The following ANO3 variants were observed in gnomAD, a reference collection of about 807,000 sequenced individuals.
The protein encoded by ANO3 is anoctamin 3.
Under a neutral mutation model 144.8 loss-of-function variants are expected in ANO3, and 99 were observed. The observed-to-expected ratio is 0.68, with a 90% CI of 0.58 to 0.81. ANO3 has a LOEUF of 0.81. ANO3 is among the 30% of genes least tolerant of loss of function. ANO3 has a pLI of 0.00. For synonymous variants in ANO3, 414 were observed against 392.6 expected (o/e 1.05, Z -0.64); for missense variants, 905 against 1,202.2 (o/e 0.75, Z 3.66).
At chr11:26,656,550 T>C (rs1404145355) in intron 26 of ANO3, 69 bp downstream of exon 26, 6 of 1,049,166 alleles carry the variant, frequency 5.7e-6, no homozygotes, top group Non-Finnish European at 8.8e-6. Flanking sequence ...CAGTTGCCTC[T>C]TTGAAATCAG....
chr11:26,583,255 C>T (rs1406011582), intron 14 of ANO3, among the ~76,000 whole-genome samples: 3 of 152,054 alleles, frequency 2.0e-5, no homozygotes, highest in Non-Finnish European at 2.9e-5. Flanking sequence ...ATTTGCAAGG[C>T]GGGGGAAAGA....
intron 1 of ANO3, among the ~76,000 whole-genome samples, chr11:26,345,661 T>G (rs1246965213): frequency 1.3e-5 from 2 of 152,192 alleles, no homozygotes; most frequent in South Asian, 2.1e-4. Context: ...TTTTGTAAGA[T>G]CTAAATATAT....
At chr11:26,357,960 C>A (rs1372288800) in intron 1 of ANO3, among the ~76,000 whole-genome samples, 2 of 152,064 alleles carry the variant, frequency 1.3e-5, no homozygotes, top group Non-Finnish European at 2.9e-5. Flanking sequence ...ATTGCCTTTG[C>A]AATTTGTCAA....
chr11:26,526,000 T>A (rs2134168595), intron 7 of ANO3, among the ~76,000 whole-genome samples: 1 of 152,228 alleles, frequency 6.6e-6, no homozygotes, highest in East Asian at 1.9e-4. Context: ...GTTTAAATGA[T>A]GACCCACAGT....
chr11:26,332,171 G>A lies in ANO3; in HGVS notation c.-105G>A. The A allele has an allele frequency of 6.2e-7, 1 of 1,601,944 alleles. No individual in the cohort carries two copies. The highest frequency in any genetic ancestry group is 8.5e-7 in the Non-Finnish European group (1 of 1,174,356). ...GCTACAGCAGGTGTCGGATTGCAGTGCGCTCGCTGAGGCTCCGGACCTTGG... is the reference window on the plus strand; with the variant it reads ...GCTACAGCAGGTGTCGGATTGCAGTACGCTCGCTGAGGCTCCGGACCTTGG... On this transcript the variant is annotated 5_prime_UTR_variant, in exon 1 of 27. Coordinates refer to ENST00000256737, the MANE Select transcript of ANO3 (RefSeq NM_031418.4).
rs777963834 is a variant in ANO3 at position 26,362,203 on chromosome 11, TA to T, written c.46+29887del. ...ACACCAGGAAGCCACAATTAATCAT[TA>T]AAAATAATTTTGCCAATTTTGCTTT... On this transcript the variant is annotated intron_variant, in intron 1 of 26. Transcript: ENST00000256737. Among the ~76,000 whole-genome samples, 6 of 152,254 alleles carry T rather than the reference TA, an allele frequency of 3.9e-5. No homozygotes were observed. The East Asian group carries it at 1.2e-3, about 29-fold the overall frequency.
intron 24 of ANO3, among the ~76,000 whole-genome samples, chr11:26,651,728 C>A (rs891345367): frequency 6.6e-6 from 1 of 151,982 alleles, no homozygotes; most frequent in African/African-American, 2.4e-5. Context: ...AAGAAAAAAG[C>A]TTCTTCAGAT....
At chr11:26,387,307 C>T (rs7949503) in intron 1 of ANO3, among the ~76,000 whole-genome samples, 2 of 151,086 alleles carry the variant, frequency 1.3e-5, no homozygotes, top group African/African-American at 2.4e-5. Flanking sequence ...GATAAAAGTA[C>T]GATCTTAGAC....
At chr11:26,193,090 C>A (rs1228898981) in intron 1 of ANO3, among the ~76,000 whole-genome samples, 3 of 151,652 alleles carry the variant, frequency 2.0e-5, no homozygotes, top group Non-Finnish European at 4.4e-5. Context: ...GCCCCCCACC[C>A]CTCAAAGGCT....
intron 1 of ANO3, among the ~76,000 whole-genome samples, chr11:26,219,192 T>C (rs1490508301): frequency 1.3e-5 from 2 of 152,218 alleles, no homozygotes; most frequent in Non-Finnish European, 2.9e-5. Flanking sequence ...TATCTTGTAG[T>C]GGACAAAATT....
At chr11:26,461,680 T>C (rs1381217911) in intron 3 of ANO3, among the ~76,000 whole-genome samples, 2 of 152,060 alleles carry the variant, frequency 1.3e-5, no homozygotes, top group African/African-American at 4.8e-5. Flanking sequence ...GGGGGAAACA[T>C]ATTATATTCA....
At chr11:26,610,504 C>G (rs10767558) in intron 17 of ANO3, among the ~76,000 whole-genome samples, 43,930 of 151,780 alleles carry the variant, frequency 0.29, 6,713 homozygotes, top group South Asian at 0.46. Context: ...GTTTCCTTTG[C>G]TGTGTAAAAA....
At chr11:26,220,116 C>T (rs1222996654) in intron 1 of ANO3, among the ~76,000 whole-genome samples, 1 of 152,206 alleles carries the variant, frequency 6.6e-6, no homozygotes, top group Non-Finnish European at 1.5e-5. Context: ...TCCTACAGTT[C>T]ACTCCCTGAG....
intron 1 of ANO3, among the ~76,000 whole-genome samples, chr11:26,216,777 A>G (rs1290354749): frequency 6.6e-6 from 1 of 152,012 alleles, no homozygotes; most frequent in Non-Finnish European, 1.5e-5. Flanking sequence ...CTGTCCAACA[A>G]TTTGTATTTC....
intron 1 of ANO3, among the ~76,000 whole-genome samples, chr11:26,403,183 ATCAGATCCAGAT>A (rs1392740586): frequency 6.6e-6 from 1 of 151,908 alleles, no homozygotes; most frequent in African/African-American, 2.4e-5. Context: ...TAAAAACATG[ATCAGATCCAGAT>A]TCAATTTTTA....
intron 1 of ANO3, among the ~76,000 whole-genome samples, chr11:26,365,983 TATATATATATATATA>T (rs1298050137): frequency 0.019 from 39 of 2,078 alleles, 1 homozygote; most frequent in South Asian, 0.15. Flanking sequence ...TATATATATA[TATATATATATATATA>T]TATATTTTAA....
chr11:26,248,334 T>A (rs771054213), intron 1 of ANO3, among the ~76,000 whole-genome samples: 1 of 151,856 alleles, frequency 6.6e-6, no homozygotes, highest in Non-Finnish European at 1.5e-5. Flanking sequence ...TGAGGCTCTG[T>A]CTCAAAATAA....
At chr11:26,607,477 T>A (rs1014682050) in intron 17 of ANO3, among the ~76,000 whole-genome samples, 1 of 152,198 alleles carries the variant, frequency 6.6e-6, no homozygotes, top group African/African-American at 2.4e-5. Context: ...CTCTGTCTTT[T>A]TACACAGTGC....
chr11:26,506,169 C>G (rs1360118334), intron 4 of ANO3, among the ~76,000 whole-genome samples: 2 of 152,094 alleles, frequency 1.3e-5, no homozygotes, highest in African/African-American at 2.4e-5. Flanking sequence ...AAAAGTACTT[C>G]TCTCACGTAA....
Sources: gnomAD v4.1 joint callset for allele counts (sites outside exome capture counted in the v4.1 genomes callset) on GRCh38, gnomAD v4.1.1 for gene constraint, MANE v1.5 for transcripts, NCBI Gene and HGNC (gene_info 2026-07-23, HGNC 2026-07-21) for gene names.